The following TJP2 variants were observed in gnomAD, a reference collection of about 807,000 sequenced individuals.
The protein encoded by TJP2 is tight junction protein 2.
In TJP2, 91 loss-of-function variants were observed where a neutral mutation model predicts 133.1. That is an observed-to-expected ratio of 0.68 (90% CI 0.58 to 0.81). TJP2 has a LOEUF of 0.81. TJP2 is among the 40% of genes least tolerant of loss of function. The probability of loss-of-function intolerance (pLI) is 0.00; values close to 1 mark genes in which losing one functional copy is unlikely to be tolerated. For synonymous variants in TJP2, 592 were observed against 583.4 expected (o/e 1.01, Z -0.21); for missense variants, 1,541 against 1,565.6 (o/e 0.98, Z 0.26).
intron 11 of TJP2, among the ~76,000 whole-genome samples, chr9:69,231,969 C>T (rs777899667): frequency 3.9e-5 from 6 of 152,184 alleles, no homozygotes; most frequent in South Asian, 4.1e-4. Flanking sequence ...AAAATATTTT[C>T]GTATGTTCAG....
chr9:69,225,277 G>T, intron 5 of TJP2, 27 bp from the exon 6 acceptor site: 4 of 1,378,842 alleles, frequency 2.9e-6, no homozygotes, highest in African/African-American at 1.4e-5. Context: ...GATAACATAC[G>T]TGTATGTTTA....
At chr9:69,203,576 T>C (rs912253136) in intron 1 of TJP2, among the ~76,000 whole-genome samples, 10 of 147,612 alleles carry the variant, frequency 6.8e-5, no homozygotes, top group African/African-American at 2.5e-4. Flanking sequence ...AGTGCTGGGA[T>C]TATAGGCATG....
At chr9:69,219,248 C>T (rs918445633) in intron 4 of TJP2, among the ~76,000 whole-genome samples, 5 of 152,090 alleles carry the variant, frequency 3.3e-5, no homozygotes, top group Non-Finnish European at 5.9e-5. Context: ...GGATTACAGG[C>T]GTGAGCCACC....
At chr9:69,139,149 G>A (rs867743403) in intron 1 of TJP2, among the ~76,000 whole-genome samples, 5 of 151,934 alleles carry the variant, frequency 3.3e-5, no homozygotes, top group Non-Finnish European at 7.4e-5. Context: ...CCCTGGAGGC[G>A]GAGGTTGCAG....
At chr9:69,206,393 C>T (rs1436433260) in intron 1 of TJP2, among the ~76,000 whole-genome samples, 1 of 152,072 alleles carries the variant, frequency 6.6e-6, no homozygotes, top group African/African-American at 2.4e-5. Context: ...CATCCTTCAA[C>T]TCGCCCTCCT....
chr9:69,238,389 G>C (rs942972006), intron 15 of TJP2, among the ~76,000 whole-genome samples: 1 of 152,048 alleles, frequency 6.6e-6, no homozygotes, highest in African/African-American at 2.4e-5. Flanking sequence ...TACAACCAAG[G>C]ACCATTCATG....
rs12337103 is a variant in TJP2 at position 69,131,120 on chromosome 9, T to A, written c.-131+9395T>A. Reference sequence around the variant, plus strand: ...ACTAAGTTCTCTCCCTCTTTCTGCCTGTCACTGATAATTAACGTAAAACCA... The same window carrying A: ...ACTAAGTTCTCTCCCTCTTTCTGCCAGTCACTGATAATTAACGTAAAACCA... On this transcript the variant is annotated intron_variant, in intron 1 of 5. Coordinates refer to the TJP2 transcript ENST00000423935. Among the ~76,000 whole-genome samples the A allele has an allele frequency of 9.8e-3, 1,499 of 152,328 alleles. 31 individuals are homozygous for A. Among genetic ancestry groups the A allele is most frequent in the African/African-American group, 0.033 (1,379 of 41,576 alleles).
At chr9:69,158,671 T>G (rs1337136464) in intron 2 of TJP2, among the ~76,000 whole-genome samples, 1 of 152,110 alleles carries the variant, frequency 6.6e-6, no homozygotes, top group Non-Finnish European at 1.5e-5. Flanking sequence ...CACTGCAGCC[T>G]CCATCCCCTG....
intron 11 of TJP2, among the ~76,000 whole-genome samples, chr9:69,231,321 C>T (rs190081509): frequency 1.3e-5 from 2 of 152,252 alleles, no homozygotes; most frequent in Non-Finnish European, 1.5e-5. Context: ...TGGTCTCGAG[C>T]TCCTGAGCTC....
chr9:69,230,749 C>T (rs78401607), intron 11 of TJP2, among the ~76,000 whole-genome samples: 8,125 of 152,150 alleles, frequency 0.053, 264 homozygotes, highest in Middle Eastern at 0.12. Context: ...ATACCTGCCT[C>T]GCAGGGACTG....
intron 17 of TJP2, among the ~76,000 whole-genome samples, chr9:69,243,556 T>A (rs1447560197): frequency 3.9e-5 from 6 of 152,240 alleles, no homozygotes; most frequent in Admixed American, 3.9e-4. Context: ...TTTTTATTTT[T>A]AAAAAACAAA....
upstream of TJP2, among the ~76,000 whole-genome samples, chr9:69,172,229 A>G (rs113545638): frequency 4.0e-3 from 614 of 152,362 alleles, 3 homozygotes; most frequent in African/African-American, 0.014. Context: ...AAAAAAGCTA[A>G]TATATCAACT....
chr9:69,233,812 T>C lies in TJP2; in HGVS notation c.1672-627T>C, dbSNP rs189339534. 4.3e-3 allele frequency among the ~76,000 whole-genome samples: 653 copies of C among 152,156 alleles called. 7 individuals are homozygous for C. The highest frequency in any genetic ancestry group is 4.3e-3 in the Admixed American group (65 of 15,284). On this transcript the variant is annotated intron_variant, in intron 11 of 22. Transcript: ENST00000377245. Reference sequence around the variant, plus strand: ...ACCACATAGCACTATGATTTCAAAATGTCTTGTTCTTTGTGCTACATTTCA... The same window carrying C: ...ACCACATAGCACTATGATTTCAAAACGTCTTGTTCTTTGTGCTACATTTCA...
chr9:69,252,915 G>T lies in TJP2; in HGVS notation c.3407+15G>T, dbSNP rs572257263. The T allele has an allele frequency of 1.9e-6, 3 of 1,613,348 alleles. No homozygotes were observed. Among genetic ancestry groups the T allele is most frequent in the Admixed American group, 3.3e-5 (2 of 60,022 alleles). On this transcript the variant is annotated intron_variant, in intron 22 of 22. Transcript: ENST00000377245. The stretch of plus-strand genomic sequence containing the variant: ...CAGCACACGAGGTAAGGGCTGCCTA[G>T]TGGGTACAGGTCTAAGGCGGGGACT...
rs1299025010 is a variant in TJP2, at chr9:69,221,420, A to C, written c.876A>C (p.Ser292=). ...PRSRSREHPH[S]RSPSPEPRGR... ...GCCGCAGCCGCGAGCACCCGCACTC[A>C]CGGAGCCCCAGCCCCGAGCCTAGGG... is the stretch of plus-strand genomic sequence containing the variant. Residue 292 remains serine (S), a synonymous_variant, in exon 5 of 23, where the codon TCA becomes TCC. Transcript: ENST00000377245. The C allele has an allele frequency of 6.3e-7, 1 of 1,586,322 alleles. No individual in the cohort carries two copies. Among genetic ancestry groups the C allele is most frequent in the South Asian group, 1.1e-5 (1 of 87,678 alleles).
intron 1 of TJP2, among the ~76,000 whole-genome samples, chr9:69,211,315 C>T (rs776295734): frequency 9.9e-5 from 15 of 152,246 alleles, no homozygotes; most frequent in African/African-American, 3.4e-4. Flanking sequence ...CCAGCCTGGG[C>T]GACAGAACGA....
At chr9:69,225,528 G>A in intron 6 of TJP2, 121 bp downstream of exon 6, 1 of 726,638 alleles carries the variant, frequency 1.4e-6, no homozygotes, top group Admixed American at 2.0e-5. Context: ...AGACAGAGGT[G>A]GCAAGAGCAG....
intron 5 of TJP2, among the ~76,000 whole-genome samples, chr9:69,223,361 G>C (rs985012919): frequency 2.0e-5 from 3 of 152,186 alleles, no homozygotes; most frequent in African/African-American, 7.2e-5. Context: ...AGGGTGGAGT[G>C]CAGTGGCGCG....
intron 1 of TJP2, among the ~76,000 whole-genome samples, chr9:69,205,902 A>G (rs1379686454): frequency 1.3e-5 from 2 of 152,144 alleles, no homozygotes; most frequent in South Asian, 2.1e-4. Context: ...GGCTTTTAAC[A>G]TGTTTCTACA....
Sources: gnomAD v4.1 joint callset for allele counts (sites outside exome capture counted in the v4.1 genomes callset) on GRCh38, gnomAD v4.1.1 for gene constraint, MANE v1.5 for transcripts, NCBI Gene and HGNC (gene_info 2026-07-23, HGNC 2026-07-21) for gene names.